The following FAM20B variants were observed in gnomAD, a reference collection of about 807,000 sequenced individuals.
FAM20B encodes glycosaminoglycan xylosylkinase.
Under a neutral mutation model 43.8 loss-of-function variants are expected in FAM20B, and 23 were observed. The observed-to-expected ratio is 0.53, with a 90% CI of 0.38 to 0.74. The LOEUF is 0.74. Among genes scored for constraint, FAM20B ranks in the 30% least tolerant of loss-of-function variants. The probability of loss-of-function intolerance (pLI) is 0.00; values close to 1 mark genes in which losing one functional copy is unlikely to be tolerated. For missense variants in FAM20B, 440 were observed against 510.5 expected, an observed-to-expected ratio of 0.86 and a Z score of 1.33; for synonymous variants, 178 against 192.4, an observed-to-expected ratio of 0.93 and a Z score of 0.62.
intron 7 of FAM20B, among the ~76,000 whole-genome samples, chr1:179,070,572 T>C (rs1330687307): frequency 1.5e-5 from 2 of 129,590 alleles, no homozygotes; most frequent in Admixed American, 8.7e-5. Context: ...TTGCCCAGGC[T>C]GGAGTGCAGT....
At chr1:179,024,887 CAA>C (rs1649693669), upstream of FAM20B, among the ~76,000 whole-genome samples, 1 of 152,228 alleles carries the variant, frequency 6.6e-6, no homozygotes. Context: ...TGATGCTCAG[CAA>C]AGTTAACTGG....
chr1:179,064,834 T>TA (rs1651622639), intron 6 of FAM20B, among the ~76,000 whole-genome samples: 1 of 152,204 alleles, frequency 6.6e-6, no homozygotes, highest in African/African-American at 2.4e-5. Context: ...ACAGATGTAA[T>TA]AGAGTGTGGA....
chr1:179,056,227 CA>C (rs1327189419), intron 4 of FAM20B, among the ~76,000 whole-genome samples: 7 of 152,148 alleles, frequency 4.6e-5, no homozygotes, highest in Non-Finnish European at 7.3e-5. Flanking sequence ...GACATGTATA[CA>C]TCATTATAGT....
chr1:179,070,602 G>A (rs1651883282), intron 7 of FAM20B, among the ~76,000 whole-genome samples: 2 of 129,832 alleles, frequency 1.5e-5, no homozygotes, highest in Admixed American at 1.9e-4. Context: ...TTGGCTCACT[G>A]CAACCTCCAC....
At chr1:179,060,621 C>T (rs1021977850) in intron 4 of FAM20B, among the ~76,000 whole-genome samples, 1 of 151,928 alleles carries the variant, frequency 6.6e-6, no homozygotes, top group African/African-American at 2.4e-5. Context: ...TGAAACCATT[C>T]CCACCCAGTC....
At chr1:179,063,465 A>G (rs1443230456) in intron 4 of FAM20B, among the ~76,000 whole-genome samples, 6 of 150,030 alleles carry the variant, frequency 4.0e-5, no homozygotes, top group Non-Finnish European at 8.9e-5. Context: ...GCATATACCT[A>G]TAGTTCCAGC....
At chr1:179,023,915 T>C (rs1302621697), upstream of FAM20B, among the ~76,000 whole-genome samples, 1 of 152,164 alleles carries the variant, frequency 6.6e-6, no homozygotes, top group Non-Finnish European at 1.5e-5. Flanking sequence ...TTAGAATATA[T>C]TGACTGTTGA....
intron 4 of FAM20B, among the ~76,000 whole-genome samples, chr1:179,056,045 G>T (rs773983389): frequency 6.6e-6 from 1 of 152,086 alleles, no homozygotes; most frequent in Non-Finnish European, 1.5e-5. Context: ...CCAAATAACC[G>T]CTGCCCGTCA....
At chr1:179,032,296 C>A (rs1485632971) in intron 1 of FAM20B, among the ~76,000 whole-genome samples, 1 of 146,876 alleles carries the variant, frequency 6.8e-6, no homozygotes, top group Non-Finnish European at 1.5e-5. Context: ...TAGCACAACA[C>A]ATGTAGAGGT....
chr1:179,051,973 G>GA (rs749142980), intron 3 of FAM20B, among the ~76,000 whole-genome samples: 17 of 148,970 alleles, frequency 1.1e-4, no homozygotes, highest in Non-Finnish European at 2.2e-4. Flanking sequence ...AAGGAAACCA[G>GA]AAAAAAAAAG....
intron 4 of FAM20B, among the ~76,000 whole-genome samples, chr1:179,059,247 C>T (rs1459579020): frequency 6.6e-6 from 1 of 152,212 alleles, no homozygotes; most frequent in Non-Finnish European, 1.5e-5. Flanking sequence ...GGTACTGAAA[C>T]AGGGATATTG....
chr1:179,071,974 T>C lies in FAM20B; in HGVS notation c.1060T>C (p.Leu354=). The C allele has an allele frequency of 6.2e-7, 1 of 1,614,178 alleles. No individual in the cohort carries two copies. Among genetic ancestry groups the C allele is most frequent in the Non-Finnish European group, 8.5e-7 (1 of 1,180,020 alleles). The change falls in exon 8 of 8, where the codon TTA becomes CTA. Residue 354 remains leucine (L), a synonymous_variant. Coordinates refer to ENST00000263733, the MANE Select transcript of FAM20B (RefSeq NM_014864.4). ...AAAGAATGGTGTGCTAAAGTCTGCC[T>C]TAAAATCTGCCATGGCCCATGACCC... is the stretch of plus-strand genomic sequence containing the variant. ...YLKNGVLKSA[L]KSAMAHDPIS...
At chr1:179,019,632 T>C in the FAM20B span, among the ~76,000 whole-genome samples, 1 of 152,094 alleles carries the variant, frequency 6.6e-6, no homozygotes, top group Non-Finnish European at 1.5e-5. Context: ...CCAGCTAATT[T>C]TGGATTTTTA....
rs1359720324 is a variant in FAM20B, at chr1:179,073,154, T to A, written c.*1010T>A. 11 of 152,184 alleles carry A rather than the reference T, an allele frequency of 7.2e-5. 1 individual carries two copies. The highest frequency in any genetic ancestry group is 7.2e-4 in the Admixed American group (11 of 15,286). The allele number at this position is 152,184 out of a possible 1,614,324, so 9.4% of individuals were successfully genotyped here. A position where few individuals can be genotyped will look rare whatever the true frequency, so the allele number is the denominator to read the frequency against. On this transcript the variant is annotated 3_prime_UTR_variant, in exon 8 of 8. Coordinates refer to ENST00000263733, the MANE Select transcript of FAM20B (RefSeq NM_014864.4). Reference sequence around the variant, plus strand: ...GCATTTTTGTCACTGAAGCTGCTGTTCCCAAGAGATCGGCAACCTTTTTGT... The same window carrying A: ...GCATTTTTGTCACTGAAGCTGCTGTACCCAAGAGATCGGCAACCTTTTTGT...
At chr1:179,068,951 G>A (rs557776304) in intron 7 of FAM20B, among the ~76,000 whole-genome samples, 1 of 152,268 alleles carries the variant, frequency 6.6e-6, no homozygotes, top group South Asian at 2.1e-4. Flanking sequence ...GTGCAGGTGG[G>A]GTGTACATTC....
In FAM20B at chr1:179,043,843, T is replaced by G. The variant is rs937316862; in HGVS notation, c.-5T>G. Reference sequence around the variant, plus strand: ...TGGGTCAGGGGAGAAGGAAAAGAGGTCAACATGAAGCTAAAGCAGCGAGTC... The same window carrying G: ...TGGGTCAGGGGAGAAGGAAAAGAGGGCAACATGAAGCTAAAGCAGCGAGTC... On this transcript the variant is annotated 5_prime_UTR_variant, in exon 2 of 8. Coordinates refer to ENST00000263733, the MANE Select transcript of FAM20B (RefSeq NM_014864.4). 5 of 1,581,884 alleles carry G rather than the reference T, an allele frequency of 3.2e-6. No individual in the cohort carries two copies. Among genetic ancestry groups the G allele is most frequent in the African/African-American group, 1.3e-5 (1 of 74,430 alleles).
At chr1:179,050,190 C>T (rs1650945810) in intron 2 of FAM20B, 89 bp from the exon 3 acceptor site, 2 of 853,930 alleles carry the variant, frequency 2.3e-6, no homozygotes, top group African/African-American at 1.7e-5. Context: ...CAGAATCAGG[C>T]TTGCTAATGG....
At chr1:179,064,623 G>A (rs1207447491) in intron 6 of FAM20B, 127 bp downstream of exon 6, 4 of 716,766 alleles carry the variant, frequency 5.6e-6, no homozygotes, top group Non-Finnish European at 9.1e-6. Context: ...TTTCCACTTG[G>A]AGTCTTTGCT....
At chr1:179,039,665 G>C (rs1328379510) in intron 1 of FAM20B, among the ~76,000 whole-genome samples, 1 of 152,186 alleles carries the variant, frequency 6.6e-6, no homozygotes, top group African/African-American at 2.4e-5. Context: ...GACACGTCCA[G>C]GATCGCTGAA....
Sources: allele counts gnomAD v4.1 joint callset (sites outside exome capture counted in the v4.1 genomes callset), GRCh38; gene constraint gnomAD v4.1.1; transcripts MANE v1.5; gene names NCBI Gene and HGNC (gene_info 2026-07-23, HGNC 2026-07-21).